PPP1R9A: variants seen among roughly 807,000 people sequenced by gnomAD.
The protein encoded by PPP1R9A is neurabin-1.
In PPP1R9A, 59 loss-of-function variants were observed where a neutral mutation model predicts 141.9. That is an observed-to-expected ratio of 0.42 (90% confidence interval 0.34 to 0.52). The LOEUF is 0.52. PPP1R9A is among the 20% of genes least tolerant of loss of function. The pLI, the probability that PPP1R9A is intolerant of heterozygous loss-of-function variation, is 0.10. For missense variants in PPP1R9A, 1,444 were observed against 1,611.9 expected (o/e 0.90, Z 1.78); for synonymous variants, 500 against 569.7 (o/e 0.88, Z 1.74).
At chr7:95,151,939 A>ATATTTTTTTTT (rs1563319181) in intron 4 of PPP1R9A, among the ~76,000 whole-genome samples, 1 of 116,080 alleles carries the variant, frequency 8.6e-6, no homozygotes, top group East Asian at 2.8e-4. Context: ...AGTACTGAGA[A>ATATTTTTTTTT]TCTTTTTTTT....
At position 95,161,959 on chromosome 7, in the gene PPP1R9A, A is replaced by T; in HGVS notation, c.1742A>T (p.Lys581Met). ...NFAATVLRNT[K>M]GNVRFVIGRE... is the part of the protein sequence containing the mutation. ...GCAGCAACAGTTCTCAGAAACACCA[A>T]GGGCAACGTCAGGTAAATACGTGCC... is the stretch of plus-strand genomic sequence containing the variant. Residue 581 changes from lysine to methionine, a missense_variant, in exon 5 of 20, where the codon AAG becomes ATG. Lys to Met is a moderately conservative substitution (Grantham distance 95). Transcript: ENST00000433360. 1 of 1,607,296 alleles carries T rather than the reference A, an allele frequency of 6.2e-7. No homozygotes were observed. Among genetic ancestry groups the T allele is most frequent in the Non-Finnish European group, 8.5e-7 (1 of 1,175,562 alleles).
intron 4 of PPP1R9A, among the ~76,000 whole-genome samples, chr7:95,146,351 G>GT (rs1175254733): frequency 1.3e-5 from 2 of 152,024 alleles, no homozygotes; most frequent in African/African-American, 2.4e-5. Context: ...GGGGTTGTTT[G>GT]TTTTTTTCTT....
At chr7:94,918,083 A>G (rs574799646) in intron 2 of PPP1R9A, among the ~76,000 whole-genome samples, 4 of 152,294 alleles carry the variant, frequency 2.6e-5, no homozygotes, top group East Asian at 1.9e-4. Flanking sequence ...TTGATTTTCT[A>G]TGCTCTCATT....
chr7:95,144,598 A>G (rs1358665102), intron 4 of PPP1R9A, among the ~76,000 whole-genome samples: 1 of 152,180 alleles, frequency 6.6e-6, no homozygotes, highest in African/African-American at 2.4e-5. Flanking sequence ...ACCGCGGCAC[A>G]ATAAAGTCCA....
chr7:95,080,097 G>T (rs1012075439), intron 2 of PPP1R9A, among the ~76,000 whole-genome samples: 1 of 152,128 alleles, frequency 6.6e-6, no homozygotes, highest in Non-Finnish European at 1.5e-5. Flanking sequence ...GGGCAATTAG[G>T]CAGGAGAAGG....
rs1234935809 is a variant in PPP1R9A, at chr7:95,294,061, C to T, written c.*3758C>T. The T allele has an allele frequency of 6.6e-6, 1 of 152,118 alleles. No individual in the cohort carries two copies. The highest frequency in any genetic ancestry group is 1.5e-5 in the Non-Finnish European group (1 of 68,050). 9.4% of individuals were successfully genotyped at this position (152,118 alleles called of 1,614,324 possible). A position where few individuals can be genotyped will look rare whatever the true frequency, so the allele number is the denominator to read the frequency against. ...TCCTGACAGAGCTGGAGATGAGGGG[C>T]ATTTTGGTGGGCAGTGGTCACTAGG... is the stretch of plus-strand genomic sequence containing the variant. On this transcript the variant is annotated 3_prime_UTR_variant, in exon 20 of 20. Transcript: ENST00000433360.
At chr7:94,934,968 A>G (rs1354671345) in intron 2 of PPP1R9A, among the ~76,000 whole-genome samples, 7 of 152,060 alleles carry the variant, frequency 4.6e-5, no homozygotes, top group Admixed American at 3.9e-4. Flanking sequence ...AAGTGATCCT[A>G]CTGCACCAAG....
intron 2 of PPP1R9A, among the ~76,000 whole-genome samples, chr7:95,006,236 G>A (rs961328720): frequency 1.5e-5 from 2 of 136,480 alleles, no homozygotes; most frequent in South Asian, 4.6e-4. Context: ...TTATTTATTT[G>A]AGATGGAGTT....
At chr7:94,967,276 T>C (rs1014554898) in intron 2 of PPP1R9A, among the ~76,000 whole-genome samples, 1 of 152,180 alleles carries the variant, frequency 6.6e-6, no homozygotes, top group Non-Finnish European at 1.5e-5. Context: ...CCTGGATTCA[T>C]TGATTTTTTT....
Position 94,910,749 on chromosome 7 carries a change from T to C in PPP1R9A, c.636T>C (p.Thr212=). The change falls in exon 2 of 20, where the codon ACT becomes ACC. Residue 212 remains threonine (T), a synonymous_variant. Coordinates refer to ENST00000433360, the MANE Select transcript of PPP1R9A (RefSeq NM_001166160.2). The surrounding 1 kb of genome is among the most constrained non-coding windows in gnomAD (Gnocchi z 4.5). ...AACTGAGTGCAGTATTTGAGAACACTGATTCTCCCAGTGCCATCATTTCTG... is the reference window on the plus strand; with the variant it reads ...AACTGAGTGCAGTATTTGAGAACACCGATTCTCCCAGTGCCATCATTTCTG... The part of the protein sequence containing the change: ...VSQLSAVFEN[T]DSPSAIISEK... 6.2e-7 allele frequency: 1 copy of C among 1,614,138 alleles called. No homozygotes were observed. Among genetic ancestry groups the C allele is most frequent in the Non-Finnish European group, 8.5e-7 (1 of 1,180,030 alleles).
intron 2 of PPP1R9A, among the ~76,000 whole-genome samples, chr7:95,049,847 A>C (rs930087391): frequency 1.3e-5 from 2 of 152,076 alleles, no homozygotes; most frequent in African/African-American, 4.8e-5. Flanking sequence ...TCATGGCTTG[A>C]TAGATCATTT....
At chr7:95,174,207 C>G (rs896929554) in intron 5 of PPP1R9A, among the ~76,000 whole-genome samples, 2 of 152,000 alleles carry the variant, frequency 1.3e-5, no homozygotes, top group African/African-American at 4.8e-5. Context: ...ACTACCAATC[C>G]TTTCAATACC....
intron 5 of PPP1R9A, among the ~76,000 whole-genome samples, chr7:95,195,653 A>G (rs1836156447): frequency 6.6e-6 from 1 of 152,138 alleles, no homozygotes; most frequent in South Asian, 2.1e-4. Context: ...CAAGCCACAG[A>G]CTAGGACGAG....
intron 7 of PPP1R9A, among the ~76,000 whole-genome samples, chr7:95,210,992 C>T (rs985115993): frequency 1.3e-5 from 2 of 151,646 alleles, no homozygotes; most frequent in African/African-American, 2.4e-5. Context: ...CACTGGGGCC[C>T]GTCAGAGGGT....
intron 2 of PPP1R9A, among the ~76,000 whole-genome samples, chr7:95,010,091 A>G (rs1052195495): frequency 6.6e-6 from 1 of 152,180 alleles, no homozygotes; most frequent in Non-Finnish European, 1.5e-5. Flanking sequence ...GCATTTGCCT[A>G]TATATTAAAT....
intron 3 of PPP1R9A, among the ~76,000 whole-genome samples, chr7:95,118,860 A>G (rs1821995269): frequency 6.6e-6 from 1 of 151,134 alleles, no homozygotes; most frequent in South Asian, 2.1e-4. Context: ...GCACATGGCT[A>G]TAGTTCCAGC....
At chr7:94,969,336 G>A (rs111492622) in intron 2 of PPP1R9A, among the ~76,000 whole-genome samples, 2 of 152,070 alleles carry the variant, frequency 1.3e-5, no homozygotes, top group Admixed American at 6.5e-5. Flanking sequence ...CTGTGTGGAC[G>A]TCCTTTTTGT....
chr7:95,172,936 A>G (rs957158758), intron 5 of PPP1R9A, among the ~76,000 whole-genome samples: 13 of 151,836 alleles, frequency 8.6e-5, no homozygotes, highest in African/African-American at 2.9e-4. Context: ...TTATAAAGGT[A>G]CCAAGGTAAT....
intron 8 of PPP1R9A, among the ~76,000 whole-genome samples, chr7:95,245,363 A>G (rs968878607): frequency 5.3e-5 from 8 of 152,272 alleles, no homozygotes; most frequent in African/African-American, 1.7e-4. Context: ...GAAAGTGGCA[A>G]TGGATCAGAA....
Sources: gnomAD v4.1 joint callset for allele counts (sites outside exome capture counted in the v4.1 genomes callset) on GRCh38, gnomAD v4.1.1 for gene constraint, Gnocchi (gnomAD v3.1) non-coding constraint, MANE v1.5 for transcripts, NCBI Gene and HGNC (gene_info 2026-07-23, HGNC 2026-07-21) for gene names.